NR2F1-AS1: variants seen among roughly 807,000 people sequenced by gnomAD.
NR2F1-AS1 encodes NR2F1 antisense RNA 1.
At chr5:93,516,201 A>G (rs1333289800) in intron 4 of NR2F1-AS1, among the ~76,000 whole-genome samples, 4 of 151,880 alleles carry the variant, frequency 2.6e-5, no homozygotes, top group African/African-American at 7.2e-5. Context: ...GAGTGTTTTC[A>G]AAGGAAGTAA....
At chr5:93,418,878 A>C (rs1749027159) in intron 4 of NR2F1-AS1, among the ~76,000 whole-genome samples, 1 of 152,180 alleles carries the variant, frequency 6.6e-6, no homozygotes, top group African/African-American at 2.4e-5. Context: ...CACTCTCTGG[A>C]CTATTCAATG....
upstream of NR2F1-AS1, among the ~76,000 whole-genome samples, chr5:93,582,190 C>T (rs929070258): frequency 1.3e-5 from 2 of 148,430 alleles, no homozygotes; most frequent in East Asian, 2.0e-4. Flanking sequence ...AATCTCCCCC[C>T]ACCCTGCAAC....
chr5:93,414,646 T>C (rs974860316), intron 4 of NR2F1-AS1, among the ~76,000 whole-genome samples: 1 of 152,122 alleles, frequency 6.6e-6, no homozygotes, highest in East Asian at 1.9e-4. Context: ...TATATCAGGG[T>C]TGGAGAAGTC....
chr5:93,492,353 G>A (rs143646031), intron 4 of NR2F1-AS1, among the ~76,000 whole-genome samples: 3,976 of 152,214 alleles, frequency 0.026, 86 homozygotes, highest in South Asian at 0.054. Flanking sequence ...TTCACTGTTT[G>A]TTTTTTGAGC....
chr5:93,439,339 G>A (rs1012821086), intron 4 of NR2F1-AS1, among the ~76,000 whole-genome samples: 4 of 152,206 alleles, frequency 2.6e-5, no homozygotes, highest in Non-Finnish European at 5.9e-5. Context: ...TGTCACCCAG[G>A]CTGGAGTGGA....
chr5:93,545,833 A>T (rs1296675641), intron 4 of NR2F1-AS1, among the ~76,000 whole-genome samples: 1 of 152,222 alleles, frequency 6.6e-6, no homozygotes, highest in African/African-American at 2.4e-5. Flanking sequence ...ACTACTTGGG[A>T]GACAAAGTCA....
chr5:93,558,627 A>G (rs1752417520), intron 2 of NR2F1-AS1, among the ~76,000 whole-genome samples: 2 of 152,306 alleles, frequency 1.3e-5, no homozygotes, highest in Non-Finnish European at 1.5e-5. Flanking sequence ...TAGACTCAAA[A>G]TGTATTTCTT....
At chr5:93,438,377 T>C (rs895539678) in intron 4 of NR2F1-AS1, among the ~76,000 whole-genome samples, 2 of 152,170 alleles carry the variant, frequency 1.3e-5, no homozygotes, top group Non-Finnish European at 2.9e-5. Context: ...ATATACCCAC[T>C]GCCCAAGTCA....
At chr5:93,543,968 A>C (rs1407110577) in intron 4 of NR2F1-AS1, 1 of 152,234 alleles carries the variant, frequency 6.6e-6, no homozygotes, top group African/African-American at 2.4e-5. Flanking sequence ...GTCTGACATT[A>C]GTGAAGAAAA....
At chr5:93,483,985 T>C (rs1580265366) in intron 4 of NR2F1-AS1, among the ~76,000 whole-genome samples, 2 of 152,324 alleles carry the variant, frequency 1.3e-5, no homozygotes, top group African/African-American at 4.8e-5. Context: ...TTGGTGTACC[T>C]GCAAGTGATG....
intron 4 of NR2F1-AS1, among the ~76,000 whole-genome samples, chr5:93,454,754 C>A (rs1249011324): frequency 6.6e-6 from 1 of 152,124 alleles, no homozygotes; most frequent in African/African-American, 2.4e-5. Flanking sequence ...ATGACTTAAT[C>A]AATCATGCCT....
chr5:93,575,058 C>A (rs778318298), intron 1 of NR2F1-AS1, among the ~76,000 whole-genome samples: 6 of 152,284 alleles, frequency 3.9e-5, no homozygotes, highest in Non-Finnish European at 5.9e-5. Context: ...AGCCCAGGGT[C>A]TCTGCGATCT....
chr5:93,543,363 T>G (rs1401524917), intron 4 of NR2F1-AS1: 1 of 152,190 alleles, frequency 6.6e-6, no homozygotes, highest in Admixed American at 6.5e-5. Context: ...AATGGCATGA[T>G]TGAAAATATC....
At chr5:93,416,749 A>T (rs1748976285) in intron 4 of NR2F1-AS1, among the ~76,000 whole-genome samples, 1 of 152,176 alleles carries the variant, frequency 6.6e-6, no homozygotes, top group Non-Finnish European at 1.5e-5. Context: ...TCTGACTCCA[A>T]AGCTCGTGCT....
At chr5:93,549,895 A>G (rs1752184915) in intron 4 of NR2F1-AS1, among the ~76,000 whole-genome samples, 1 of 152,122 alleles carries the variant, frequency 6.6e-6, no homozygotes, top group African/African-American at 2.4e-5. Context: ...GCTCTTACTC[A>G]TAAGTGGGAG....
intron 4 of NR2F1-AS1, among the ~76,000 whole-genome samples, chr5:93,536,747 G>A (rs1751847842): frequency 6.6e-6 from 1 of 152,172 alleles, no homozygotes; most frequent in Admixed American, 6.5e-5. Flanking sequence ...AGAAGAATGA[G>A]AATAGATATC....
intron 4 of NR2F1-AS1, among the ~76,000 whole-genome samples, chr5:93,439,019 T>C (rs1041685752): frequency 6.6e-6 from 1 of 152,234 alleles, no homozygotes; most frequent in Non-Finnish European, 1.5e-5. Flanking sequence ...ATACCTTAAA[T>C]ATATACAATT....
intron 4 of NR2F1-AS1, among the ~76,000 whole-genome samples, chr5:93,514,174 C>T (rs778665582): frequency 1.3e-5 from 2 of 152,010 alleles, no homozygotes; most frequent in African/African-American, 4.8e-5. Context: ...CTTACAGGAA[C>T]ACTTGTTTTA....
chr5:93,516,179 A>G (rs1196535079), intron 4 of NR2F1-AS1, among the ~76,000 whole-genome samples: 2 of 151,892 alleles, frequency 1.3e-5, no homozygotes, highest in Non-Finnish European at 2.9e-5. Flanking sequence ...ACTCCACACA[A>G]ACACACTTAC....
Sources: allele counts gnomAD v4.1 joint callset (sites outside exome capture counted in the v4.1 genomes callset), GRCh38; gene constraint gnomAD v4.1.1; transcripts MANE v1.5; gene names NCBI Gene and HGNC (gene_info 2026-07-23, HGNC 2026-07-21).